The following TRAF7 variants were observed in gnomAD, a reference collection of about 807,000 sequenced individuals.
TRAF7 encodes E3 ubiquitin-protein ligase TRAF7.
TRAF7 carries 45 observed loss-of-function variants against 89.3 expected under a neutral mutation model. The ratio of observed to expected loss-of-function variants is 0.50; its 90% CI spans 0.40 to 0.65. TRAF7 has a LOEUF of 0.65. TRAF7 is among the 30% of genes least tolerant of loss of function. TRAF7 has a pLI of 0.00. For missense variants in TRAF7, 677 were observed against 918.1 expected, an observed-to-expected ratio of 0.74 and a Z score of 3.39; for synonymous variants, 406 against 369.2, an observed-to-expected ratio of 1.10 and a Z score of -1.14.
At position 2,164,028 on chromosome 16, in the gene TRAF7, A is replaced by C. The variant is rs774111327; in HGVS notation, c.81+27A>C. 14 of 1,588,454 alleles carry C rather than the reference A, an allele frequency of 8.8e-6. No individual in the cohort carries two copies. In the African/African-American group the frequency reaches 1.9e-4, roughly 21 times the overall value. On this transcript the variant is annotated intron_variant, in intron 2 of 20. Coordinates refer to ENST00000326181, the MANE Select transcript of TRAF7 (RefSeq NM_032271.3). ...TAAGGGTGTGCCCCTCTGCAAGCCC[A>C]ACATCCCCAGGACCCCCAGCATGCC...
chr16:2,157,834 C>T (rs887323404), intron 1 of TRAF7, among the ~76,000 whole-genome samples: 21 of 152,148 alleles, frequency 1.4e-4, no homozygotes, highest in African/African-American at 5.1e-4. Flanking sequence ...CTGGTCACAG[C>T]GGCACAGCCT....
intron 2 of TRAF7, among the ~76,000 whole-genome samples, chr16:2,164,632 C>T (rs1443241124): frequency 1.1e-4 from 14 of 130,780 alleles, no homozygotes; most frequent in South Asian, 2.5e-4. Flanking sequence ...TGCTGCGTGG[C>T]GCGGCCTGGT....
chr16:2,163,992 C>T lies in TRAF7; in HGVS notation c.72C>T (p.Val24=). The T allele has an allele frequency of 1.9e-6, 3 of 1,611,394 alleles. No individual in the cohort carries two copies. The highest frequency in any genetic ancestry group is 1.3e-5 in the African/African-American group (1 of 74,988). Residue 24 remains valine, a synonymous_variant, in exon 2 of 21, where the codon GTC becomes GTT. Transcript: ENST00000326181. This position sits in a 1 kb window ranked among gnomAD's most constrained non-coding sequence, Gnocchi z 4.3. ...GGPSNLPTPD[V]TTGTRMETTF... ...CCAGCAATCTTCCCACCCCAGACGT[C>T]ACCACAGGGGTAAGGGTGTGCCCCT...
chr16:2,160,408 AGTGTGGACGGGCAGGTG>A (rs952914644), intron 1 of TRAF7, among the ~76,000 whole-genome samples: 16 of 148,982 alleles, frequency 1.1e-4, no homozygotes, highest in South Asian at 2.1e-4. Context: ...CAGCATGGGC[AGTGTGGACGGGCAGGTG>A]GTGTGGACGG....
chr16:2,157,930 C>T (rs2093042186), intron 1 of TRAF7, among the ~76,000 whole-genome samples: 1 of 152,204 alleles, frequency 6.6e-6, no homozygotes, highest in African/African-American at 2.4e-5. Flanking sequence ...GGGGTGCCTT[C>T]ACTCTTGACG....
chr16:2,170,682 C>A lies in TRAF7; in HGVS notation c.300C>A (p.Ser100Arg), dbSNP rs759354021. The A allele has an allele frequency of 1.2e-6, 2 of 1,608,504 alleles. No individual in the cohort carries two copies. Among genetic ancestry groups the A allele is most frequent in the Non-Finnish European group, 1.7e-6 (2 of 1,177,970 alleles). Residue 100 changes from serine to arginine, a missense_variant, in exon 5 of 21, where the codon AGC becomes AGA. Ser to Arg is a moderately radical substitution (Grantham distance 110, BLOSUM62 -1). Transcript: ENST00000326181. ...ISVRSLHSES[S>R]MSLRSTFSLP... ...TCCGCTCCCTGCACTCAGAGTCCAG[C>A]ATGTCTCTGCGCTCCACATTCTCAC...
Position 2,162,444 on chromosome 16 carries a change from G to A in TRAF7, c.-38-1439G>A, listed in dbSNP as rs1435325138. ...GGGCATGGCCAAAGGGACCCAGTCA[G>A]GAGGGACTGATGGAGGAGGTACTGG... is the stretch of plus-strand genomic sequence containing the variant. On this transcript the variant is annotated intron_variant, in intron 1 of 20. Coordinates refer to ENST00000326181, the MANE Select transcript of TRAF7 (RefSeq NM_032271.3). The surrounding 1 kb of genome is among the most constrained non-coding windows in gnomAD (Gnocchi z 5.0). 1.3e-5 allele frequency among the ~76,000 whole-genome samples: 2 copies of A among 152,150 alleles called. No individual in the cohort carries two copies. Among genetic ancestry groups the A allele is most frequent in the African/African-American group, 4.8e-5 (2 of 41,462 alleles).
intron 3 of TRAF7, among the ~76,000 whole-genome samples, chr16:2,166,554 C>G (rs960655086): frequency 6.6e-6 from 1 of 152,176 alleles, no homozygotes; most frequent in Non-Finnish European, 1.5e-5. Flanking sequence ...ACAGGCACCA[C>G]CACACCTGGC....
intron 2 of TRAF7, among the ~76,000 whole-genome samples, chr16:2,165,077 G>C (rs2093077910): frequency 8.2e-6 from 1 of 122,252 alleles, no homozygotes; most frequent in African/African-American, 4.1e-5. Flanking sequence ...TGTGAGTGCT[G>C]CATGGCCTGG....
At position 2,168,687 on chromosome 16, in the gene TRAF7, C is replaced by T. The variant is rs544612742; in HGVS notation, c.231+519C>T. On this transcript the variant is annotated intron_variant, in intron 4 of 20. Transcript: ENST00000326181. The surrounding 1 kb of genome is among the most constrained non-coding windows in gnomAD (Gnocchi z 4.1). ...AGTGCTGGGGGAGCCGGAGAATTCC[C>T]TGTTGCTGGCTGTGTGAGGTGCAGA... 6.6e-6 allele frequency among the ~76,000 whole-genome samples: 1 copy of T among 152,124 alleles called. No homozygotes were observed. Among genetic ancestry groups the T allele is most frequent in the Admixed American group, 6.5e-5 (1 of 15,276 alleles).
At position 2,163,718 on chromosome 16, in the gene TRAF7, G is replaced by A. The variant is rs750135470; in HGVS notation, c.-38-165G>A. 2 of 606,168 alleles carry A rather than the reference G, an allele frequency of 3.3e-6. No individual in the cohort carries two copies. The highest frequency in any genetic ancestry group is 2.9e-6 in the Non-Finnish European group (1 of 339,014). 37.5% of individuals were successfully genotyped at this position (606,168 alleles called of 1,614,324 possible). ...CTGCATACCTGGGATCGGGGTGAAG[G>A]ACCTTTGCCTCCTAGAGGCCTGCCT... On this transcript the variant is annotated intron_variant, in intron 1 of 20. Coordinates refer to ENST00000326181, the MANE Select transcript of TRAF7 (RefSeq NM_032271.3). This position sits in a 1 kb window ranked among gnomAD's most constrained non-coding sequence, Gnocchi z 4.3.
chr16:2,174,393 C>T, intron 14 of TRAF7, 60 bp downstream of exon 14: 1 of 1,547,766 alleles, frequency 6.5e-7, no homozygotes, highest in Middle Eastern at 1.7e-4. Context: ...GCGCTGCCAC[C>T]CCGTGGGCCG....
Position 2,173,565 on chromosome 16 carries a change from G to C in TRAF7, c.1086+11G>C. 6.2e-7 allele frequency: 1 copy of C among 1,611,732 alleles called. No homozygotes were observed. Among genetic ancestry groups the C allele is most frequent in the Non-Finnish European group, 8.5e-7 (1 of 1,178,798 alleles). ...GCATCCATGTTAAATGTGAGCGGGC[G>C]GGGCTGGAGGGGCTGGGTTGTGAGA... is the stretch of plus-strand genomic sequence containing the variant. On this transcript the variant is annotated intron_variant, in intron 11 of 20. Transcript: ENST00000326181.
chr16:2,174,782 CG>C (rs1278108543), intron 14 of TRAF7, among the ~76,000 whole-genome samples: 1 of 152,190 alleles, frequency 6.6e-6, no homozygotes, highest in Non-Finnish European at 1.5e-5. Flanking sequence ...AGCAAGTAAG[CG>C]TGTGCGTGAG....
In TRAF7 at chr16:2,162,922, G is replaced by GGGGA. The variant is rs2093063374; in HGVS notation, c.-38-959_-38-958insGAGG. ...TCCAGGCTGCCCAAGTCCTGAAAGT[G>GGGGA]GGACCTGCTCGGGAGGAGGGGCGCC... On this transcript the variant is annotated intron_variant, in intron 1 of 20. Coordinates refer to ENST00000326181, the MANE Select transcript of TRAF7 (RefSeq NM_032271.3). The surrounding 1 kb of genome is among the most constrained non-coding windows in gnomAD (Gnocchi z 5.0). Among the ~76,000 whole-genome samples the GGGGA allele has an allele frequency of 6.6e-6, 1 of 152,040 alleles. No homozygotes were observed. Among genetic ancestry groups the GGGGA allele is most frequent in the East Asian group, 1.9e-4 (1 of 5,200 alleles).
chr16:2,164,044 C>A, intron 2 of TRAF7, 43 bp downstream of exon 2: 1 of 1,535,546 alleles, frequency 6.5e-7, no homozygotes. Context: ...CCCAGGACCC[C>A]CAGCATGCCC....
intron 2 of TRAF7, 144 bp from the exon 3 acceptor site, chr16:2,165,735 G>A (rs551922699): frequency 6.2e-5 from 53 of 851,114 alleles, no homozygotes; most frequent in Middle Eastern, 2.2e-4. Flanking sequence ...TGAGTGCTGC[G>A]TGGCGTGGCC....
At chr16:2,171,477 G>A in intron 6 of TRAF7, 95 bp from the exon 7 acceptor site, 1 of 1,582,334 alleles carries the variant, frequency 6.3e-7, no homozygotes. Flanking sequence ...GCTGCACTGG[G>A]CTTGGGGTAC....
Position 2,175,872 on chromosome 16 carries a change from G to A in TRAF7, c.1665G>A (p.Leu555=), listed in dbSNP as rs1355278128. 1 of 1,613,452 alleles carries A rather than the reference G, an allele frequency of 6.2e-7. No homozygotes were observed. The highest frequency in any genetic ancestry group is 1.3e-5 in the African/African-American group (1 of 74,916). The change falls in exon 18 of 21, where the codon CTG becomes CTA. Residue 555 remains leucine (L), a synonymous_variant. Coordinates refer to ENST00000326181, the MANE Select transcript of TRAF7 (RefSeq NM_032271.3). ...GAACCCTTGACTGCATCCACGTCCTGCAGACGTCTGGTGGCAGCGTCTACT... is the reference window on the plus strand; with the variant it reads ...GAACCCTTGACTGCATCCACGTCCTACAGACGTCTGGTGGCAGCGTCTACT... The part of the protein sequence containing the change: ...DIRTLDCIHV[L]QTSGGSVYSI...
Sources: allele counts gnomAD v4.1 joint callset (sites outside exome capture counted in the v4.1 genomes callset), GRCh38; gene constraint gnomAD v4.1.1; non-coding constraint Gnocchi (gnomAD v3.1); transcripts MANE v1.5; gene names NCBI Gene and HGNC (gene_info 2026-07-23, HGNC 2026-07-21).